Variants in NBPF20 observed in about 807,000 individuals in gnomAD.
NBPF20 encodes NBPF family member NBPF20.
Under a neutral mutation model 68.1 loss-of-function variants are expected in NBPF20, and 90 were observed. That is an observed-to-expected ratio of 1.32 (90% CI 1.11 to 1.58). The LOEUF is 1.58. Ranked by LOEUF, NBPF20 falls within the 40% of genes most tolerant of loss-of-function variation. The probability of loss-of-function intolerance (pLI) is 0.00; values close to 1 mark genes in which losing one functional copy is unlikely to be tolerated. For synonymous variants in NBPF20, 290 were observed against 228.1 expected (o/e 1.27, Z -2.45); for missense variants, 816 against 601.2 (o/e 1.36, Z -3.74).
At chr1:145,409,425 T>G (rs1274333344), upstream of NBPF20, among the ~76,000 whole-genome samples, 1 of 149,940 alleles carries the variant, frequency 6.7e-6, no homozygotes, top group Non-Finnish European at 1.5e-5. Flanking sequence ...AATTAAATAT[T>G]AAGAGGAAAA....
At chr1:145,410,819 TA>T in the NBPF20 span, among the ~76,000 whole-genome samples, 2 of 5,998 alleles carry the variant, frequency 3.3e-4, no homozygotes, top group African/African-American at 1.1e-3. Context: ...TATATACGTA[TA>T]TATATATATA....
intron 8 of NBPF20, 83 bp downstream of exon 13, chr1:145,394,895 A>C (rs1407052444): frequency 1.3e-5 from 17 of 1,316,838 alleles, no homozygotes; most frequent in Non-Finnish European, 1.8e-5. Context: ...TCTCAGCCCA[A>C]CAAGGGGCAC....
chr1:145,394,915 A>G, intron 8 of NBPF20, 63 bp downstream of exon 13: 1 of 1,593,498 alleles, frequency 6.3e-7, no homozygotes. Flanking sequence ...CAAGGCCCAA[A>G]GATTATGGGG....
At chr1:145,402,321 C>T (rs1265253189) in exon 4 of NBPF20, 289 of 1,609,126 alleles carry the variant, frequency 1.8e-4, no homozygotes, top group African/African-American at 3.6e-4. Flanking sequence ...TCCCTTCCCG[C>T]AACTTCTCCC....
chr1:145,397,196 C>T (rs1452185195), intron 7 of NBPF20, among the ~76,000 whole-genome samples: 6 of 148,848 alleles, frequency 4.0e-5, no homozygotes, highest in African/African-American at 1.5e-4. Context: ...GGTTCCAAGT[C>T]TTTGCTATTG....
Position 145,372,458 on chromosome 1 carries a change from C to T in NBPF20, c.4369+54G>A, listed in dbSNP as rs1306739259. On this transcript the variant is annotated intron_variant, in intron 36 of 137. Transcript: ENST00000369373. ...AGGGCCACTTGGAACAGGAATATCA[C>T]CCCTATCTGGAAGACCAGGTGGAGG... 1.4e-4 allele frequency: 50 copies of T among 370,162 alleles called. 5 individuals carry two copies. Among genetic ancestry groups the T allele is most frequent in the Admixed American group, 5.3e-4 (11 of 20,594 alleles). 22.9% of individuals were successfully genotyped at this position (370,162 alleles called of 1,614,324 possible).
At chr1:145,396,602 G>A (rs1194779669) in intron 7 of NBPF20, among the ~76,000 whole-genome samples, 1 of 151,686 alleles carries the variant, frequency 6.6e-6, no homozygotes, top group African/African-American at 2.4e-5. Flanking sequence ...CAGCCAGAGA[G>A]AAAGGTCGGA....
chr1:145,290,254 A>C (rs1340875225), exon 138 of NBPF20: 1 of 148,998 alleles, frequency 6.7e-6, no homozygotes, highest in African/African-American at 2.6e-5. Context: ...TACTCTTGAA[A>C]ACCGCTTTCC....
At chr1:145,341,253 T>C (rs1661614696) in intron 75 of NBPF20, among the ~76,000 whole-genome samples, 1 of 23,296 alleles carries the variant, frequency 4.3e-5, no homozygotes, top group Admixed American at 4.3e-4. Context: ...AGTGCCCTCA[T>C]GACACACAGC....
intron 129 of NBPF20, among the ~76,000 whole-genome samples, chr1:145,298,368 A>T (rs1474113581): frequency 1.4e-5 from 2 of 144,150 alleles, no homozygotes; most frequent in African/African-American, 5.8e-5. Context: ...ACACACACAC[A>T]CAGACACACA....
At chr1:145,292,248 A>C (rs1354019118) in intron 137 of NBPF20, 133 bp downstream of exon 142, 1 of 627,694 alleles carries the variant, frequency 1.6e-6, no homozygotes, top group Non-Finnish European at 2.8e-6. Context: ...CTGCAATGAA[A>C]ACCAACAGCA....
chr1:145,421,506 T>C, the NBPF20 span, among the ~76,000 whole-genome samples: 3 of 152,176 alleles, frequency 2.0e-5, no homozygotes, highest in Admixed American at 2.0e-4. Context: ...TATTAGTATG[T>C]TCATTCATTC....
exon 138 of NBPF20, chr1:145,291,379 G>A (rs1553657448): frequency 1.3e-6 from 2 of 1,559,626 alleles, no homozygotes; most frequent in African/African-American, 1.4e-5. Flanking sequence ...GGTTGCCACT[G>A]GCATGGTTTG....
the NBPF20 span, among the ~76,000 whole-genome samples, chr1:145,415,447 A>G: frequency 6.6e-6 from 1 of 151,654 alleles, no homozygotes; most frequent in Non-Finnish European, 1.5e-5. Flanking sequence ...GCTGGGGGAC[A>G]GTCAGGTCTT....
chr1:145,291,537 A>C (rs1234261030), exon 138 of NBPF20: 4 of 1,611,926 alleles, frequency 2.5e-6, no homozygotes, highest in African/African-American at 1.3e-5. Context: ...TATTGTGGGA[A>C]TATGACTCCC....
At chr1:145,393,957 C>T in intron 8 of NBPF20, 22 bp from the exon 14 acceptor site, 2 of 1,243,922 alleles carry the variant, frequency 1.6e-6, no homozygotes, top group Non-Finnish European at 1.2e-6. Flanking sequence ...TTCAGATGGG[C>T]CCTCTTACAT....
chr1:145,423,353 C>A, the NBPF20 span, among the ~76,000 whole-genome samples: 1 of 150,794 alleles, frequency 6.6e-6, no homozygotes, highest in Non-Finnish European at 1.5e-5. Context: ...GCAGGAGGAT[C>A]ACCTGAGCCT....
rs1390864330 is a variant in NBPF20, at chr1:145,392,735, C to T, written c.1216+339G>A. Among the ~76,000 whole-genome samples, 4 of 70,054 alleles carry T rather than the reference C, an allele frequency of 5.7e-5. 1 individual carries two copies. The highest frequency in any genetic ancestry group is 1.6e-4 in the Admixed American group (1 of 6,164). 46.0% of individuals were successfully genotyped at this position (70,054 alleles called of 152,430 possible). On this transcript the variant is annotated intron_variant, in intron 10 of 137. Transcript: ENST00000369373. ...TGTTCATGGTAGCGAGGATTTTAGA[C>T]GCTGAAATTAGAGTGAAGGATGAAA...
Position 145,292,556 on chromosome 1 carries a change from T to A in NBPF20, c.16589-67A>T, listed in dbSNP as rs587709102. On this transcript the variant is annotated intron_variant, in intron 136 of 137. Transcript: ENST00000369373. ...CCCCTACACACATAACAATCCACTG[T>A]CTAATCCTCACACAGGGACCTCAGG... 5 of 718,476 alleles carry A rather than the reference T, an allele frequency of 7.0e-6. No homozygotes were observed. The East Asian group carries it at 7.4e-5, about 11-fold the overall frequency. The allele number at this position is 718,476 out of a possible 1,614,324, so 44.5% of individuals were successfully genotyped here.
Sources: allele counts gnomAD v4.1 joint callset (sites outside exome capture counted in the v4.1 genomes callset), GRCh38; gene constraint gnomAD v4.1.1; transcripts MANE v1.5; gene names NCBI Gene and HGNC (gene_info 2026-07-23, HGNC 2026-07-21).